The following FRMD6 variants were observed in gnomAD, a reference collection of about 807,000 sequenced individuals.
FRMD6 encodes FERM domain containing 6, also known as FERM domain-containing protein 6.
A neutral mutation model predicts 73.2 loss-of-function variants in FRMD6; 37 were observed. That is an observed-to-expected ratio of 0.51 (90% CI 0.39 to 0.66). The LOEUF (loss-of-function observed/expected upper bound fraction) is 0.66. FRMD6 is among the 30% of genes least tolerant of loss of function. The pLI is 0.00. For synonymous variants in FRMD6, 273 were observed against 282.2 expected, an observed-to-expected ratio of 0.97 and a Z score of 0.33; for missense variants, 714 against 780.5, an observed-to-expected ratio of 0.91 and a Z score of 1.02.
intron 1 of FRMD6, among the ~76,000 whole-genome samples, chr14:51,518,415 C>T (rs1884760191): frequency 6.6e-6 from 1 of 152,184 alleles, no homozygotes; most frequent in Non-Finnish European, 1.5e-5. Flanking sequence ...CTTTGCTGAG[C>T]TGTGAAATCT....
At chr14:51,559,524 G>A (rs975224075) in intron 1 of FRMD6, among the ~76,000 whole-genome samples, 1 of 151,248 alleles carries the variant, frequency 6.6e-6, no homozygotes, top group Non-Finnish European at 1.5e-5. Context: ...TAAATTCTCA[G>A]GCATATGAGA....
At chr14:51,710,668 A>G (rs1237794243) in intron 7 of FRMD6, among the ~76,000 whole-genome samples, 1 of 152,182 alleles carries the variant, frequency 6.6e-6, no homozygotes, top group Non-Finnish European at 1.5e-5. Context: ...TTCATGGGAA[A>G]GCTGGCACTA....
the FRMD6 span, among the ~76,000 whole-genome samples, chr14:51,469,429 C>T: frequency 8.1e-4 from 121 of 150,056 alleles, no homozygotes; most frequent in African/African-American, 2.4e-3. Flanking sequence ...CTGGCTAACA[C>T]GGTGAAACCC....
At chr14:51,438,576 C>T in the FRMD6 span, among the ~76,000 whole-genome samples, 1 of 152,188 alleles carries the variant, frequency 6.6e-6, no homozygotes, top group Non-Finnish European at 1.5e-5. Context: ...AGGAAAACCT[C>T]AGGGCTATGT....
the FRMD6 span, among the ~76,000 whole-genome samples, chr14:51,401,217 C>T: frequency 6.6e-6 from 1 of 152,220 alleles, no homozygotes; most frequent in Non-Finnish European, 1.5e-5. Flanking sequence ...AATGACTTCA[C>T]CTCTTCCAAG....
intron 1 of FRMD6, among the ~76,000 whole-genome samples, chr14:51,505,339 C>A (rs936064948): frequency 6.6e-6 from 1 of 152,084 alleles, no homozygotes; most frequent in Non-Finnish European, 1.5e-5. Flanking sequence ...CAACAAATAC[C>A]CTTTTAGAAA....
chr14:51,477,141 A>G, the FRMD6 span, among the ~76,000 whole-genome samples: 1 of 152,192 alleles, frequency 6.6e-6, no homozygotes, highest in Non-Finnish European at 1.5e-5. Context: ...AAATTACCAG[A>G]CTCACATAGA....
the FRMD6 span, among the ~76,000 whole-genome samples, chr14:51,467,940 G>T: frequency 6.6e-5 from 10 of 152,084 alleles, no homozygotes; most frequent in Non-Finnish European, 1.5e-4. Context: ...CAAGGCAGGC[G>T]GCTGGGAGGT....
intron 2 of FRMD6, among the ~76,000 whole-genome samples, chr14:51,585,939 G>GTGTGTGTGTGTGTGTATATATA: frequency 3.2e-5 from 1 of 31,410 alleles, no homozygotes; most frequent in South Asian, 1.1e-3. Flanking sequence ...GTGTGTGTGT[G>GTGTGTGTGTGTGTGTATATATA]TATATATATA....
chr14:51,641,469 A>G (rs183125859), intron 2 of FRMD6, among the ~76,000 whole-genome samples: 87 of 152,146 alleles, frequency 5.7e-4, no homozygotes, highest in African/African-American at 2.1e-3. Context: ...AAATCTCTAC[A>G]TACTAAAAAA....
intron 1 of FRMD6, among the ~76,000 whole-genome samples, chr14:51,506,410 G>A (rs776039134): frequency 7.9e-5 from 12 of 152,196 alleles, no homozygotes; most frequent in Admixed American, 3.9e-4. Context: ...GGATACTGGC[G>A]AAAAGAGGCT....
intron 2 of FRMD6, among the ~76,000 whole-genome samples, chr14:51,696,751 C>CA (rs34528270): frequency 0.6 from 74,886 of 125,340 alleles, 19,592 homozygotes; most frequent in Middle Eastern, 0.66. Context: ...CCTGTCTCTA[C>CA]AAAAAAAAAA....
At chr14:51,672,595 T>C (rs1006097226) in intron 1 of FRMD6, among the ~76,000 whole-genome samples, 12 of 152,190 alleles carry the variant, frequency 7.9e-5, no homozygotes, top group African/African-American at 2.9e-4. Flanking sequence ...TATAAAAATA[T>C]CTTGACCTTT....
intron 2 of FRMD6, among the ~76,000 whole-genome samples, chr14:51,625,670 T>C (rs982636934): frequency 1.3e-5 from 2 of 152,188 alleles, no homozygotes; most frequent in Non-Finnish European, 2.9e-5. Context: ...TCCTCATTGA[T>C]CTCTGATCCA....
the FRMD6 span, among the ~76,000 whole-genome samples, chr14:51,424,748 A>G: frequency 1.3e-5 from 2 of 152,238 alleles, no homozygotes; most frequent in African/African-American, 4.8e-5. Flanking sequence ...GTTGGTGTGT[A>G]TTGTATGGCT....
At chr14:51,667,652 A>G (rs1198214820) in intron 1 of FRMD6, among the ~76,000 whole-genome samples, 1 of 152,206 alleles carries the variant, frequency 6.6e-6, no homozygotes, top group African/African-American at 2.4e-5. Context: ...TTACAATTAT[A>G]GAAGGAGATT....
the FRMD6 span, among the ~76,000 whole-genome samples, chr14:51,405,600 C>T: frequency 4.0e-5 from 6 of 151,622 alleles, no homozygotes; most frequent in Admixed American, 2.0e-4. Flanking sequence ...GTTTGTTTAC[C>T]GCATGTATGT....
the FRMD6 span, among the ~76,000 whole-genome samples, chr14:51,438,069 A>G: frequency 3.9e-5 from 6 of 152,318 alleles, no homozygotes; most frequent in East Asian, 1.2e-3. Flanking sequence ...AAAAAAGACA[A>G]AAACACTTTA....
the FRMD6 span, chr14:51,454,762 G>A: frequency 2.6e-5 from 4 of 152,060 alleles, no homozygotes; most frequent in African/African-American, 9.7e-5. Flanking sequence ...CTACAGGACT[G>A]CAAAGGAAGG....
Sources: gnomAD v4.1 joint callset for allele counts (sites outside exome capture counted in the v4.1 genomes callset) on GRCh38, gnomAD v4.1.1 for gene constraint, MANE v1.5 for transcripts, NCBI Gene and HGNC (gene_info 2026-07-23, HGNC 2026-07-21) for gene names.